ZFHX3: variants seen among roughly 807,000 people sequenced by gnomAD.
ZFHX3 encodes zinc finger homeobox protein 3.
In ZFHX3, 42 loss-of-function variants were observed where a neutral mutation model predicts 279.1. The ratio of observed to expected loss-of-function variants is 0.15; its 90% CI spans 0.12 to 0.19. The LOEUF (loss-of-function observed/expected upper bound fraction) is 0.19. ZFHX3 is among the 10% of genes least tolerant of loss of function. The pLI is 1.00. For missense variants in ZFHX3, 4,981 were observed against 4,754.0 expected (o/e 1.05, Z -1.40); for synonymous variants, 2,293 against 1,957.8 (o/e 1.17, Z -4.52).
chr16:73,005,789 C>T (rs1327434639), intron 1 of ZFHX3: 1 of 138,076 alleles, frequency 7.2e-6, no homozygotes, highest in South Asian at 2.3e-4. Context: ...GACTCCGTCT[C>T]AAAAAAAAAA....
intron 1 of ZFHX3, among the ~76,000 whole-genome samples, chr16:73,723,754 T>C (rs1213407387): frequency 6.6e-6 from 1 of 152,222 alleles, no homozygotes; most frequent in East Asian, 1.9e-4. Context: ...TGAAACAATG[T>C]CTTCAAATGT....
rs1287630716 is a variant in ZFHX3, at chr16:72,786,965, GAA to G, written c.*197_*198del. 1 of 286,684 alleles carries G rather than the reference GAA, an allele frequency of 3.5e-6. No individual in the cohort carries two copies. Among genetic ancestry groups the G allele is most frequent in the East Asian group, 7.1e-5 (1 of 14,148 alleles). 17.8% of individuals were successfully genotyped at this position (286,684 alleles called of 1,614,324 possible). On this transcript the variant is annotated 3_prime_UTR_variant, in exon 10 of 10. Coordinates refer to ENST00000268489, the MANE Select transcript of ZFHX3 (RefSeq NM_006885.4). ...TTTTTTTTTTAATATTAAAAGAAAA[GAA>G]AAAGACAAGAATGTAAAATCACCGG... is the stretch of plus-strand genomic sequence containing the variant.
chr16:73,267,990 TTATTAACC>T (rs1185711785), intron 4 of ZFHX3, among the ~76,000 whole-genome samples: 2 of 152,216 alleles, frequency 1.3e-5, no homozygotes, highest in Non-Finnish European at 2.9e-5. Context: ...ATTAGTGCTA[TTATTAACC>T]TCCATCGTTA....
chr16:73,788,717 T>TAG, intron 1 of ZFHX3, among the ~76,000 whole-genome samples: 1 of 151,414 alleles, frequency 6.6e-6, no homozygotes, highest in South Asian at 2.1e-4. Flanking sequence ...TAGGAAAATA[T>TAG]ATATATATCT....
intron 2 of ZFHX3, among the ~76,000 whole-genome samples, chr16:73,678,536 G>C (rs886748929): frequency 9.2e-5 from 14 of 151,994 alleles, no homozygotes; most frequent in African/African-American, 3.4e-4. Flanking sequence ...ATTTTATAAA[G>C]GTCAAGTCTT....
At chr16:73,068,573 G>A (rs1020734205) in intron 8 of ZFHX3, among the ~76,000 whole-genome samples, 2 of 152,144 alleles carry the variant, frequency 1.3e-5, no homozygotes, top group East Asian at 1.9e-4. Flanking sequence ...TTCCAGCCTC[G>A]GCTGGCCATA....
chr16:73,811,750 C>A (rs1960433401), intron 1 of ZFHX3, among the ~76,000 whole-genome samples: 1 of 152,028 alleles, frequency 6.6e-6, no homozygotes, highest in Admixed American at 6.6e-5. Flanking sequence ...CGGGCCCCTT[C>A]CCTTTCTAAT....
At chr16:73,734,327 T>C (rs1025270666) in intron 1 of ZFHX3, among the ~76,000 whole-genome samples, 2 of 152,346 alleles carry the variant, frequency 1.3e-5, no homozygotes, top group East Asian at 1.9e-4. Flanking sequence ...TTAAAAATTA[T>C]ATAAATCCAT....
chr16:72,994,521 A>G (rs1478710875), intron 1 of ZFHX3, among the ~76,000 whole-genome samples: 3 of 152,182 alleles, frequency 2.0e-5, no homozygotes, highest in Non-Finnish European at 4.4e-5. Flanking sequence ...CCAAGGAACA[A>G]AAGTCATCGA....
chr16:73,297,763 C>T (rs1260806908), intron 4 of ZFHX3, among the ~76,000 whole-genome samples: 1 of 152,020 alleles, frequency 6.6e-6, no homozygotes, highest in Non-Finnish European at 1.5e-5. Flanking sequence ...GTTATAGAAC[C>T]TCTCTGAGCC....
chr16:73,153,193 C>A lies in ZFHX3; in HGVS notation c.-1103-9362G>T, dbSNP rs113850737. 6.0e-3 allele frequency among the ~76,000 whole-genome samples: 910 copies of A among 152,294 alleles called. 3 individuals are homozygous for A. The highest frequency in any genetic ancestry group is 9.2e-3 in the Non-Finnish European group (624 of 68,032). ...ATGGAAGCCTGGATGTTCATTCCCACCTGGAAAGTTTCTCCCAGAGCTCTC... is the reference window on the plus strand; with the variant it reads ...ATGGAAGCCTGGATGTTCATTCCCAACTGGAAAGTTTCTCCCAGAGCTCTC... On this transcript the variant is annotated intron_variant, in intron 5 of 17. Transcript: ENST00000641206.
chr16:73,719,214 C>G (rs1791188427), intron 1 of ZFHX3, among the ~76,000 whole-genome samples: 1 of 152,198 alleles, frequency 6.6e-6, no homozygotes, highest in Admixed American at 6.5e-5. Context: ...CACTTATCAT[C>G]TATCCCACCC....
rs558439295 is a variant in ZFHX3, at chr16:73,444,273, GGT to G, written c.-1291+11728_-1291+11729del. 9.9e-5 allele frequency among the ~76,000 whole-genome samples: 15 copies of G among 152,240 alleles called. No homozygotes were observed. The East Asian group carries it at 2.9e-3, about 29-fold the overall frequency. ...ATATACACAGAGCTCTGATCCCTTG[GGT>G]GGGACTTCTGAGGTACACTTGCCTT... On this transcript the variant is annotated intron_variant, in intron 3 of 17. Transcript: ENST00000641206.
intron 2 of ZFHX3, among the ~76,000 whole-genome samples, chr16:73,473,764 C>G (rs984351934): frequency 6.6e-6 from 1 of 152,272 alleles, no homozygotes; most frequent in African/African-American, 2.4e-5. Flanking sequence ...ACTGGTTTTC[C>G]CATCTGTTTC....
intron 8 of ZFHX3, among the ~76,000 whole-genome samples, chr16:73,090,396 G>A (rs888923272): frequency 6.6e-6 from 1 of 152,136 alleles, no homozygotes; most frequent in African/African-American, 2.4e-5. Flanking sequence ...CTCAAATTAA[G>A]TAAATAAATA....
At chr16:73,483,940 T>G (rs1457258419) in intron 2 of ZFHX3, among the ~76,000 whole-genome samples, 1 of 151,420 alleles carries the variant, frequency 6.6e-6, no homozygotes, top group Non-Finnish European at 1.5e-5. Flanking sequence ...GTTTTTTTTT[T>G]TTTTTTTTTT....
rs148510996 is a variant in ZFHX3, at chr16:72,808,284, G to A, written c.3864+3293C>T. On this transcript the variant is annotated intron_variant, in intron 7 of 9. Transcript: ENST00000268489. ...CATCAGTATTCCAGTCCTCAAATAC[G>A]ATCTCAGGTTCACCTTGTGGTAGGC... is the stretch of plus-strand genomic sequence containing the variant. 6.2e-4 allele frequency among the ~76,000 whole-genome samples: 95 copies of A among 152,144 alleles called. No individual in the cohort carries two copies. In the East Asian group the frequency reaches 0.014, roughly 23 times the overall value.
intron 5 of ZFHX3, among the ~76,000 whole-genome samples, chr16:73,202,741 C>A (rs1316680677): frequency 6.6e-6 from 1 of 152,014 alleles, no homozygotes; most frequent in Admixed American, 6.6e-5. Flanking sequence ...CATCTCTTTG[C>A]CTTTGATTTT....
chr16:73,157,158 A>G (rs1967108125), intron 5 of ZFHX3, among the ~76,000 whole-genome samples: 1 of 152,154 alleles, frequency 6.6e-6, no homozygotes, highest in Non-Finnish European at 1.5e-5. Flanking sequence ...GAATGTGGTC[A>G]TTTGAAGGCC....
Sources: allele counts gnomAD v4.1 joint callset (sites outside exome capture counted in the v4.1 genomes callset), GRCh38; gene constraint gnomAD v4.1.1; transcripts MANE v1.5; gene names NCBI Gene and HGNC (gene_info 2026-07-23, HGNC 2026-07-21).